The following BLTP1 variants were observed in gnomAD, a reference collection of about 807,000 sequenced individuals.
BLTP1 encodes fragile site-associated protein.
chr4:122,294,433 C>T, the BLTP1 span, among the ~76,000 whole-genome samples: 1 of 152,198 alleles, frequency 6.6e-6, no homozygotes, highest in Admixed American at 6.5e-5. Context: ...TCACAGCCTT[C>T]ACTGATACCT....
chr4:122,241,634 T>G, the BLTP1 span, among the ~76,000 whole-genome samples: 2 of 152,202 alleles, frequency 1.3e-5, no homozygotes, highest in Non-Finnish European at 2.9e-5. Context: ...TTGAATAATA[T>G]GTATTGAAGG....
chr4:122,198,349 T>C, the BLTP1 span: 2 of 985,354 alleles, frequency 2.0e-6, no homozygotes, highest in African/African-American at 3.5e-5. Flanking sequence ...AAGAAGCATC[T>C]TTTAGAAAAG....
the BLTP1 span, chr4:122,234,824 C>T: frequency 2.5e-6 from 4 of 1,611,998 alleles, no homozygotes; most frequent in African/African-American, 1.3e-5. Context: ...GGTGTAGAAA[C>T]AAATGTGGTT....
chr4:122,311,045 G>A, the BLTP1 span: 1 of 259,486 alleles, frequency 3.9e-6, no homozygotes, highest in Non-Finnish European at 6.0e-6. Flanking sequence ...TTTAAACTTA[G>A]TGATTTTTAT....
At chr4:122,297,015 G>T in the BLTP1 span, among the ~76,000 whole-genome samples, 101 of 152,260 alleles carry the variant, frequency 6.6e-4, no homozygotes, top group Middle Eastern at 3.4e-3. Context: ...CACCAGCAAA[G>T]ATTTCATGAT....
At chr4:122,268,877 A>C in the BLTP1 span, 1 of 152,232 alleles carries the variant, frequency 6.6e-6, no homozygotes, top group Admixed American at 6.5e-5. Flanking sequence ...CTAGTCAATG[A>C]TCACAGTGCT....
the BLTP1 span, chr4:122,210,212 C>T: frequency 5.4e-6 from 1 of 184,562 alleles, no homozygotes; most frequent in East Asian, 1.9e-4. Context: ...AGGAAATATG[C>T]TCAGAAAAGG....
chr4:122,193,750 T>C, the BLTP1 span: 100 of 635,072 alleles, frequency 1.6e-4, no homozygotes, highest in Middle Eastern at 1.6e-3. Flanking sequence ...TACGGGGCCA[T>C]TGATAGATTA....
At chr4:122,196,711 C>T in the BLTP1 span, 7 of 1,611,496 alleles carry the variant, frequency 4.3e-6, no homozygotes, top group Non-Finnish European at 5.9e-6. Context: ...GCCTGGGAGA[C>T]CAAGACAGAT....
chr4:122,281,641 A>G, the BLTP1 span: 7 of 1,613,594 alleles, frequency 4.3e-6, no homozygotes, highest in South Asian at 6.6e-5. Context: ...CTCAGCTACC[A>G]GAAGGCTTAG....
At chr4:122,226,105 A>C in the BLTP1 span, 2 of 152,128 alleles carry the variant, frequency 1.3e-5, no homozygotes, top group Non-Finnish European at 2.9e-5. Flanking sequence ...CAAGAGTTTA[A>C]ATTATGTACT....
chr4:122,327,278 C>T, the BLTP1 span, among the ~76,000 whole-genome samples: 1 of 151,544 alleles, frequency 6.6e-6, no homozygotes, highest in Non-Finnish European at 1.5e-5. Context: ...ACTCGAGTCC[C>T]TTTTATAAAT....
chr4:122,304,974 C>T, the BLTP1 span: 5 of 1,613,636 alleles, frequency 3.1e-6, no homozygotes, highest in Non-Finnish European at 4.2e-6. Flanking sequence ...GACAAATTGT[C>T]AAACATCAGG....
chr4:122,324,674 A>G, the BLTP1 span: 1 of 603,702 alleles, frequency 1.7e-6, no homozygotes, highest in Non-Finnish European at 2.7e-6. Context: ...ATAACAGTGG[A>G]TACTATCAAA....
At chr4:122,246,796 G>C in the BLTP1 span, 1 of 1,612,728 alleles carries the variant, frequency 6.2e-7, no homozygotes, top group Non-Finnish European at 8.5e-7. Context: ...TTGCTACACA[G>C]GTTCGCATGA....
chr4:122,280,163 A>C, the BLTP1 span: 1 of 985,448 alleles, frequency 1.0e-6, no homozygotes, highest in South Asian at 4.7e-5. Flanking sequence ...TGAAAGCATT[A>C]AAGTACAGTG....
the BLTP1 span, chr4:122,269,473 G>A: frequency 1.0e-5 from 10 of 984,946 alleles, no homozygotes; most frequent in South Asian, 9.4e-5. Flanking sequence ...TTCTACTAAC[G>A]CGCCAGCTCC....
At chr4:122,297,578 A>T in the BLTP1 span, among the ~76,000 whole-genome samples, 3 of 152,206 alleles carry the variant, frequency 2.0e-5, no homozygotes, top group African/African-American at 7.2e-5. Flanking sequence ...AAGGAACATA[A>T]ATCATTCTAT....
chr4:122,275,929 C>A, the BLTP1 span: 2 of 1,501,222 alleles, frequency 1.3e-6, no homozygotes, highest in Non-Finnish European at 1.8e-6. Flanking sequence ...GTTTATTTGC[C>A]TCCTTTTTGT....
Sources: gnomAD v4.1 joint callset for allele counts (sites outside exome capture counted in the v4.1 genomes callset) on GRCh38, gnomAD v4.1.1 for gene constraint, MANE v1.5 for transcripts, NCBI Gene and HGNC (gene_info 2026-07-23, HGNC 2026-07-21) for gene names.